The following GSE1 variants were observed in gnomAD, a reference collection of about 807,000 sequenced individuals.
The protein encoded by GSE1 is genetic suppressor element 1.
Under a neutral mutation model 112.6 loss-of-function variants are expected in GSE1, and 32 were observed. The observed-to-expected ratio is 0.28, with a 90% CI of 0.21 to 0.38. The LOEUF is 0.38. Ranked by LOEUF, GSE1 falls within the 10% of genes least tolerant of loss-of-function variation. The probability of loss-of-function intolerance (pLI) is 1.00; values close to 1 mark genes in which losing one functional copy is unlikely to be tolerated. For missense variants in GSE1, 2,348 were observed against 1,699.2 expected (o/e 1.38, Z -6.71); for synonymous variants, 1,115 against 735.6 (o/e 1.52, Z -8.35).
rs1212666439 is a variant in GSE1, at chr16:85,617,956, CTGGATGTCTG to C, written c.7+4562_7+4571del. The stretch of plus-strand genomic sequence containing the variant: ...GTGGCACCTGTCACCTGGCTGCTCT[CTGGATGTCTG>C]TGGGCCTTGTGTTAACCCCAGGCAG... On this transcript the variant is annotated intron_variant, in intron 1 of 15. Coordinates refer to ENST00000253458, the MANE Select transcript of GSE1 (RefSeq NM_014615.5). Among the ~76,000 whole-genome samples the C allele has an allele frequency of 2.0e-5, 3 of 152,164 alleles. No individual in the cohort carries two copies. The South Asian group carries it at 6.2e-4, about 32-fold the overall frequency.
chr16:85,354,220 T>C (rs915132854), intron 1 of GSE1, among the ~76,000 whole-genome samples: 3 of 152,202 alleles, frequency 2.0e-5, no homozygotes, highest in Non-Finnish European at 2.9e-5. Context: ...TGTTCTCTAC[T>C]GAAAAGCTGT....
chr16:85,331,623 A>G (rs2046365976), intron 1 of GSE1, among the ~76,000 whole-genome samples: 3 of 78,710 alleles, frequency 3.8e-5, no homozygotes, highest in South Asian at 4.5e-4. Flanking sequence ...ATATGTGTGT[A>G]TATATGTGTA....
At chr16:85,374,998 C>T (rs1481305059) in intron 2 of GSE1, among the ~76,000 whole-genome samples, 4 of 152,186 alleles carry the variant, frequency 2.6e-5, no homozygotes, top group Non-Finnish European at 4.4e-5. Context: ...GCGGCCCCAG[C>T]GTTCTGGGTT....
chr16:85,421,518 C>T (rs2048844948), intron 2 of GSE1, among the ~76,000 whole-genome samples: 1 of 152,226 alleles, frequency 6.6e-6, no homozygotes. Flanking sequence ...ACAGCAGCCC[C>T]AACTCCTTCA....
chr16:85,211,866 G>T (rs1294862792), intron 1 of GSE1, among the ~76,000 whole-genome samples: 1 of 152,214 alleles, frequency 6.6e-6, no homozygotes, highest in African/African-American at 2.4e-5. Context: ...TTCCAGCAGG[G>T]CTCTCTTCCT....
intron 1 of GSE1, among the ~76,000 whole-genome samples, chr16:85,578,430 TG>T (rs1447558472): frequency 2.0e-5 from 3 of 152,198 alleles, no homozygotes; most frequent in Non-Finnish European, 2.9e-5. Context: ...ATTTCACATG[TG>T]GGGCAGCTAA....
exon 1 of GSE1, chr16:85,170,011 G>C (rs1377739735): frequency 1.0e-6 from 1 of 984,440 alleles, no homozygotes; most frequent in East Asian, 1.1e-4. Flanking sequence ...CCGGCTGCGC[G>C]GGGCCGCGGA....
intron 3 of GSE1, among the ~76,000 whole-genome samples, chr16:85,652,538 A>G (rs2051452917): frequency 6.9e-6 from 1 of 144,344 alleles, no homozygotes; most frequent in Admixed American, 6.8e-5. Context: ...CTCTCATTGA[A>G]GATTCCAGGC....
chr16:85,393,219 T>TG, intron 2 of GSE1, among the ~76,000 whole-genome samples: 1 of 152,276 alleles, frequency 6.6e-6, no homozygotes, highest in Non-Finnish European at 1.5e-5. Flanking sequence ...CAATGAACTG[T>TG]GATTACGCCA....
rs2052410257 is a variant in GSE1, at chr16:85,661,312, C to T, written c.1807C>T (p.His603Tyr). 3.1e-6 allele frequency: 5 copies of T among 1,612,614 alleles called. No homozygotes were observed. The highest frequency in any genetic ancestry group is 1.3e-5 in the African/African-American group (1 of 74,944). ...NTLETRRAES[H>Y]SLHSHPAAFE... ...CTTGGAGACGCGGCGGGCCGAAAGC[C>T]ACTCTCTGCACAGCCACCCGGCTGC... Residue 603 changes from histidine (H) to tyrosine (Y), a missense_variant, in exon 9 of 16, where the codon CAC (histidine) becomes TAC (tyrosine). Physicochemically the swap from His to Tyr is moderately conservative, Grantham distance 83. Transcript: ENST00000253458.
upstream of GSE1, chr16:85,555,394 A>G (rs1456209795): frequency 3.6e-5 from 32 of 892,586 alleles, no homozygotes; most frequent in Admixed American, 5.2e-4. Context: ...TAACCAAAAA[A>G]GGGGGGGGAG....
At chr16:85,519,541 CACTATT>C (rs2052083275) in intron 2 of GSE1, among the ~76,000 whole-genome samples, 1 of 22,676 alleles carries the variant, frequency 4.4e-5, no homozygotes. Context: ...CCACCATCAT[CACTATT>C]ACCACCATCA....
At chr16:85,256,304 G>T (rs1597207028) in intron 1 of GSE1, among the ~76,000 whole-genome samples, 2 of 152,186 alleles carry the variant, frequency 1.3e-5, no homozygotes, top group Non-Finnish European at 2.9e-5. Flanking sequence ...CAGCACCTGT[G>T]GAGCACCCGC....
At chr16:85,527,530 T>A (rs1205739469) in intron 2 of GSE1, among the ~76,000 whole-genome samples, 1 of 152,246 alleles carries the variant, frequency 6.6e-6, no homozygotes, top group African/African-American at 2.4e-5. Flanking sequence ...AAAAAGGCAG[T>A]TGCTCTGTGC....
intron 1 of GSE1, among the ~76,000 whole-genome samples, chr16:85,590,966 A>T (rs1250481357): frequency 2.6e-5 from 4 of 152,172 alleles, no homozygotes; most frequent in Non-Finnish European, 4.4e-5. Flanking sequence ...TCGGAGCTGG[A>T]CCAGGGACAG....
rs113137061 is a variant in GSE1, at chr16:85,468,767, T to G, written c.2464+111124T>G. 3.2e-3 allele frequency among the ~76,000 whole-genome samples: 484 copies of G among 152,312 alleles called. 5 individuals carry two copies. The highest frequency in any genetic ancestry group is 0.011 in the African/African-American group (456 of 41,554). On this transcript the variant is annotated intron_variant, in intron 2 of 2. Transcript: ENST00000637419. Reference sequence around the variant, plus strand: ...GTGGCTGCCTTTCCCCATCTCCTGATGTCTAAGAGTATGAGCTGGAAGAAG... The same window carrying G: ...GTGGCTGCCTTTCCCCATCTCCTGAGGTCTAAGAGTATGAGCTGGAAGAAG...
At chr16:85,272,728 C>T (rs1464669326) in intron 1 of GSE1, among the ~76,000 whole-genome samples, 1 of 138,696 alleles carries the variant, frequency 7.2e-6, no homozygotes, top group Admixed American at 6.8e-5. Context: ...GGGGGCCCTA[C>T]TTCTTGCTTG....
At chr16:85,619,932 A>T (rs1036029008) in intron 1 of GSE1, among the ~76,000 whole-genome samples, 5 of 152,144 alleles carry the variant, frequency 3.3e-5, no homozygotes, top group African/African-American at 1.2e-4. Flanking sequence ...CAGCCTCCTC[A>T]CCCAACTCCC....
chr16:85,504,305 G>A (rs1211234431), intron 2 of GSE1, among the ~76,000 whole-genome samples: 1 of 152,240 alleles, frequency 6.6e-6, no homozygotes, highest in Non-Finnish European at 1.5e-5. Flanking sequence ...GGTGGGTTTG[G>A]ACTCGTGCTG....
Sources: gnomAD v4.1 joint callset for allele counts (sites outside exome capture counted in the v4.1 genomes callset) on GRCh38, gnomAD v4.1.1 for gene constraint, MANE v1.5 for transcripts, NCBI Gene and HGNC (gene_info 2026-07-23, HGNC 2026-07-21) for gene names.